GALNT14: variants seen among roughly 807,000 people sequenced by gnomAD.
GALNT14 encodes polypeptide N-acetylgalactosaminyltransferase 14, also known as UDP-GalNAc:polypeptide N-acetylgalactosaminyltransferase 14.
GALNT14 carries 60 observed loss-of-function variants against 77.5 expected under a neutral mutation model. The ratio of observed to expected loss-of-function variants is 0.77; its 90% CI spans 0.63 to 0.96. The LOEUF (loss-of-function observed/expected upper bound fraction) is 0.96, where lower values mean the gene tolerates loss of function less well. Ranked by LOEUF, GALNT14 falls within the 40% of genes least tolerant of loss-of-function variation. The pLI is 0.00. For missense variants in GALNT14, 710 were observed against 731.0 expected (o/e 0.97, Z 0.33); for synonymous variants, 280 against 281.7 (o/e 0.99, Z 0.06).
chr2:30,912,874 C>T (rs754517681), intron 13 of GALNT14, among the ~76,000 whole-genome samples: 1 of 152,096 alleles, frequency 6.6e-6, no homozygotes, highest in Non-Finnish European at 1.5e-5. Context: ...ATAAATGGAA[C>T]AAGTGTTCCA....
Position 31,127,117 on chromosome 2 carries a change from G to A in GALNT14, c.129+10841C>T, listed in dbSNP as rs372438452. Among the ~76,000 whole-genome samples the A allele has an allele frequency of 1.2e-4, 19 of 152,234 alleles. No individual in the cohort carries two copies. The East Asian group carries it at 2.1e-3, about 17-fold the overall frequency. ...ACTCAAGGAATTTCACAAGGTGAAC[G>A]CACCTGTGTAACCAGCCCCCCAATC... On this transcript the variant is annotated intron_variant, in intron 1 of 14. Coordinates refer to ENST00000349752, the MANE Select transcript of GALNT14 (RefSeq NM_024572.4).
chr2:31,059,705 T>TA (rs1558535186), intron 1 of GALNT14, among the ~76,000 whole-genome samples: 1 of 152,024 alleles, frequency 6.6e-6, no homozygotes, highest in Admixed American at 6.5e-5. Flanking sequence ...ACACTGTATT[T>TA]AAAAAAATTA....
chr2:31,105,014 T>C (rs1677484711), intron 1 of GALNT14, among the ~76,000 whole-genome samples: 1 of 152,224 alleles, frequency 6.6e-6, no homozygotes, highest in Admixed American at 6.5e-5. Flanking sequence ...TACCAATCTC[T>C]ACCAATTACC....
rs1667486296 is a variant in GALNT14 at position 30,958,336 on chromosome 2, G to C, written c.466+61C>G. The C allele has an allele frequency of 2.8e-6, 4 of 1,449,760 alleles. No individual in the cohort carries two copies. In the Admixed American group the frequency reaches 6.7e-5, roughly 24 times the overall value. 89.8% of individuals were successfully genotyped at this position (1,449,760 alleles called of 1,614,324 possible). On this transcript the variant is annotated intron_variant, in intron 4 of 14. Transcript: ENST00000349752. ...AAAACCAGTGGACTCACCTCTGCCT[G>C]TTACAGAGTGGCTGGGAACAGACAT...
chr2:30,924,677 G>T, intron 12 of GALNT14, 63 bp downstream of exon 12: 1 of 1,438,504 alleles, frequency 7.0e-7, no homozygotes, highest in African/African-American at 1.4e-5. Context: ...CTCTTCTCCA[G>T]ACCAAGCCAG....
intron 1 of GALNT14, among the ~76,000 whole-genome samples, chr2:31,121,710 C>A (rs958741051): frequency 6.6e-6 from 1 of 152,112 alleles, no homozygotes; most frequent in Admixed American, 6.5e-5. Context: ...GCCTCCTGTT[C>A]TACAGGAAGA....
At chr2:30,997,182 A>G (rs1174201784) in intron 1 of GALNT14, among the ~76,000 whole-genome samples, 3 of 152,096 alleles carry the variant, frequency 2.0e-5, no homozygotes, top group African/African-American at 4.8e-5. Flanking sequence ...AACAAGAAGC[A>G]TCTCCTCTAC....
At chr2:30,891,556 A>G in the GALNT14 span, among the ~76,000 whole-genome samples, 1 of 152,208 alleles carries the variant, frequency 6.6e-6, no homozygotes, top group African/African-American at 2.4e-5. Context: ...GGGAAGCAGC[A>G]TCTTCCAAAG....
chr2:31,075,228 T>A (rs990744364), intron 1 of GALNT14, among the ~76,000 whole-genome samples: 4 of 152,262 alleles, frequency 2.6e-5, no homozygotes, highest in Non-Finnish European at 5.9e-5. Flanking sequence ...GGAAGTTTCC[T>A]GAGGTCCTCG....
At chr2:31,133,360 A>T (rs968826123) in intron 1 of GALNT14, among the ~76,000 whole-genome samples, 1 of 152,144 alleles carries the variant, frequency 6.6e-6, no homozygotes, top group Non-Finnish European at 1.5e-5. Context: ...AAAATTTATG[A>T]CTTTTTTTAA....
intron 10 of GALNT14, 45 bp from the exon 11 acceptor site, chr2:30,929,532 T>A: frequency 7.0e-7 from 1 of 1,429,966 alleles, no homozygotes; most frequent in Non-Finnish European, 9.8e-7. Context: ...AGGGGCTGTC[T>A]GAGAGGCCCT....
intron 9 of GALNT14, among the ~76,000 whole-genome samples, chr2:30,937,147 G>C (rs1005888291): frequency 6.6e-6 from 1 of 152,210 alleles, no homozygotes; most frequent in Non-Finnish European, 1.5e-5. Flanking sequence ...ATCATGGAAA[G>C]GGTGAGGCTG....
At chr2:30,982,182 C>T (rs1669030618) in intron 2 of GALNT14, among the ~76,000 whole-genome samples, 1 of 152,202 alleles carries the variant, frequency 6.6e-6, no homozygotes, top group South Asian at 2.1e-4. Flanking sequence ...GACACCACCA[C>T]TCAGCCTCCT....
intron 1 of GALNT14, among the ~76,000 whole-genome samples, chr2:31,011,456 G>A (rs9636425): frequency 0.25 from 38,739 of 151,964 alleles, 5,134 homozygotes; most frequent in East Asian, 0.39. Context: ...TAAAATATAG[G>A]GGTTACATAG....
At chr2:30,890,545 T>C in the GALNT14 span, among the ~76,000 whole-genome samples, 1 of 152,186 alleles carries the variant, frequency 6.6e-6, no homozygotes, top group Non-Finnish European at 1.5e-5. Context: ...ACACGATTAT[T>C]AGTAGAAATA....
At chr2:30,928,694 G>T (rs1335123715) in intron 11 of GALNT14, among the ~76,000 whole-genome samples, 1 of 152,096 alleles carries the variant, frequency 6.6e-6, no homozygotes, top group African/African-American at 2.4e-5. Context: ...TCGGCTCACT[G>T]CAACCTCCGC....
intron 1 of GALNT14, among the ~76,000 whole-genome samples, chr2:31,001,614 AG>A (rs1364427368): frequency 1.3e-5 from 2 of 152,182 alleles, no homozygotes; most frequent in African/African-American, 4.8e-5. Flanking sequence ...GCTCATCAAA[AG>A]ATGAAACCAC....
chr2:31,022,853 T>C (rs1262816583), intron 1 of GALNT14, among the ~76,000 whole-genome samples: 1 of 152,248 alleles, frequency 6.6e-6, no homozygotes, highest in Admixed American at 6.5e-5. Context: ...GATAAGTTCA[T>C]GGGAGCTTAA....
intron 1 of GALNT14, among the ~76,000 whole-genome samples, chr2:31,105,312 T>A (rs546455641): frequency 6.6e-6 from 1 of 152,302 alleles, no homozygotes; most frequent in East Asian, 1.9e-4. Flanking sequence ...TTTTGACACA[T>A]CCCCATCTTT....
Sources: allele counts gnomAD v4.1 joint callset (sites outside exome capture counted in the v4.1 genomes callset), GRCh38; gene constraint gnomAD v4.1.1; transcripts MANE v1.5; gene names NCBI Gene and HGNC (gene_info 2026-07-23, HGNC 2026-07-21).